Variants in MYCT1 observed in about 807,000 individuals in gnomAD.
The protein encoded by MYCT1 is myc target protein 1.
MYCT1 carries 12 observed loss-of-function variants against 15.0 expected under a neutral mutation model. That is an observed-to-expected ratio of 0.80 (90% CI 0.51 to 1.29). The LOEUF is 1.29. Ranked by LOEUF, MYCT1 falls within the 50% of genes most tolerant of loss-of-function variation. The pLI is 0.00. For missense variants in MYCT1, 287 were observed against 279.1 expected (o/e 1.03, Z -0.20); for synonymous variants, 104 against 102.7 (o/e 1.01, Z -0.07).
At position 152,697,960 on chromosome 6, in the gene MYCT1, CA is replaced by C; in HGVS notation, c.61del (p.Arg21GlufsTer36). ...AAATTATTTTTCTCTTGCTGTACTA[CA>C]AAGAGATAGAATCAAACTGCTTTTT... is the stretch of plus-strand genomic sequence containing the variant. ...CKNYFSLAVL[Q>X]RDRIKLLFFD... On this transcript the variant is annotated frameshift_variant, in exon 1 of 2. Transcript: ENST00000367245. LOFTEE classifies it high-confidence loss of function. 1 of 1,604,790 alleles carries C rather than the reference CA, an allele frequency of 6.2e-7. No homozygotes were observed. The highest frequency in any genetic ancestry group is 2.3e-5 in the East Asian group (1 of 44,218).
intron 1 of MYCT1, among the ~76,000 whole-genome samples, chr6:152,719,193 A>C (rs185240011): frequency 6.6e-6 from 1 of 152,216 alleles, no homozygotes; most frequent in Non-Finnish European, 1.5e-5. Flanking sequence ...ACTAAAGGCT[A>C]TTGATTCATG....
At position 152,697,900 on chromosome 6, in the gene MYCT1, T is replaced by G; in HGVS notation, c.-3T>G. The G allele has an allele frequency of 3.2e-6, 5 of 1,553,716 alleles. No individual in the cohort carries two copies. The highest frequency in any genetic ancestry group is 3.5e-6 in the Non-Finnish European group (4 of 1,155,742). ...AGGAAACATGATACACTTATTTCCT[T>G]TTATGCGAACACAAGTATATGAGGG... On this transcript the variant is annotated 5_prime_UTR_variant, in exon 1 of 2. Transcript: ENST00000367245.
intron 1 of MYCT1, among the ~76,000 whole-genome samples, chr6:152,703,029 A>AT (rs2099721611): frequency 1.3e-5 from 2 of 152,212 alleles, no homozygotes; most frequent in Admixed American, 1.3e-4. Flanking sequence ...AAAGTGGCCT[A>AT]TAACTGTCCT....
chr6:152,715,662 T>C (rs541839211), intron 1 of MYCT1, among the ~76,000 whole-genome samples: 1 of 152,210 alleles, frequency 6.6e-6, no homozygotes, highest in South Asian at 2.1e-4. Flanking sequence ...TGGGACAGGG[T>C]GTCATTTTAG....
intron 1 of MYCT1, among the ~76,000 whole-genome samples, chr6:152,714,250 T>A (rs2099723232): frequency 7.1e-6 from 1 of 139,932 alleles, no homozygotes. Context: ...TTTATTCATT[T>A]TTATTAGATT....
chr6:152,706,428 G>C, intron 1 of MYCT1, among the ~76,000 whole-genome samples: 1 of 152,206 alleles, frequency 6.6e-6, no homozygotes, highest in South Asian at 2.1e-4. Flanking sequence ...AACTTAAATC[G>C]CTGAGGTATT....
intron 1 of MYCT1, among the ~76,000 whole-genome samples, chr6:152,717,060 T>A (rs555145270): frequency 6.6e-6 from 1 of 152,290 alleles, no homozygotes; most frequent in South Asian, 2.1e-4. Flanking sequence ...TCTGCCAGAA[T>A]GGAATTACAT....
chr6:152,739,753 A>C, the MYCT1 span, among the ~76,000 whole-genome samples: 1 of 151,970 alleles, frequency 6.6e-6, no homozygotes, highest in African/African-American at 2.4e-5. Context: ...GCAATTTTTA[A>C]TTTCACTTGA....
the MYCT1 span, among the ~76,000 whole-genome samples, chr6:152,741,980 A>C: frequency 6.6e-6 from 1 of 152,210 alleles, no homozygotes; most frequent in Non-Finnish European, 1.5e-5. Flanking sequence ...AAAACAATAA[A>C]AGTTTTTTAA....
the MYCT1 span, among the ~76,000 whole-genome samples, chr6:152,746,936 C>T: frequency 6.6e-6 from 1 of 152,036 alleles, no homozygotes; most frequent in Admixed American, 6.6e-5. Context: ...TCATTTAGAT[C>T]ATTATTTGTT....
intron 1 of MYCT1, among the ~76,000 whole-genome samples, chr6:152,698,421 A>G (rs995306481): frequency 6.6e-6 from 1 of 152,098 alleles, no homozygotes; most frequent in Non-Finnish European, 1.5e-5. Flanking sequence ...TAAAAAACAT[A>G]AGGTGGAGGT....
the MYCT1 span, among the ~76,000 whole-genome samples, chr6:152,732,606 A>G: frequency 6.6e-6 from 1 of 152,352 alleles, no homozygotes; most frequent in East Asian, 1.9e-4. Context: ...AGATTCTTTT[A>G]ATTTTGAAAT....
At chr6:152,736,934 T>C in the MYCT1 span, among the ~76,000 whole-genome samples, 1,716 of 152,272 alleles carry the variant, frequency 0.011, 28 homozygotes, top group African/African-American at 0.04. Context: ...GGTATATTCC[T>C]AGGAAAGATA....
chr6:152,706,718 A>G (rs1565391272), intron 1 of MYCT1, among the ~76,000 whole-genome samples: 1 of 152,166 alleles, frequency 6.6e-6, no homozygotes, highest in African/African-American at 2.4e-5. Context: ...AAGTTTGGTT[A>G]AAAGTTAGGG....
chr6:152,715,633 TC>T lies in MYCT1; in HGVS notation c.197-6107del, dbSNP rs2099723501. Among the ~76,000 whole-genome samples, 5 of 152,150 alleles carry T rather than the reference TC, an allele frequency of 3.3e-5. No homozygotes were observed. The South Asian group carries it at 1.0e-3, about 32-fold the overall frequency. Reference sequence around the variant, plus strand: ...GGAAGGAAAAAAGAAAAACAAGAATTCCATTTAGGCTTCAGAGGTGGGACAG... The same window carrying T: ...GGAAGGAAAAAAGAAAAACAAGAATTCATTTAGGCTTCAGAGGTGGGACAG... On this transcript the variant is annotated intron_variant, in intron 1 of 1. Coordinates refer to ENST00000367245, the MANE Select transcript of MYCT1 (RefSeq NM_025107.3).
At chr6:152,740,822 A>AT in the MYCT1 span, among the ~76,000 whole-genome samples, 2 of 152,130 alleles carry the variant, frequency 1.3e-5, no homozygotes, top group African/African-American at 2.4e-5. Context: ...TTATAGATAT[A>AT]TTTTTCTTTA....
intron 1 of MYCT1, among the ~76,000 whole-genome samples, chr6:152,705,070 C>T (rs9397550): frequency 0.098 from 14,941 of 152,036 alleles, 1,322 homozygotes; most frequent in African/African-American, 0.23. Flanking sequence ...TTTTACATTC[C>T]ACAAATAAGT....
intron 1 of MYCT1, among the ~76,000 whole-genome samples, chr6:152,720,439 C>A (rs2099724489): frequency 6.6e-6 from 1 of 152,064 alleles, no homozygotes; most frequent in Admixed American, 6.5e-5. Flanking sequence ...CTCCTCTTCC[C>A]CAGTCTCACA....
Position 152,722,509 on chromosome 6 carries a change from T to C in MYCT1, c.*256T>C, listed in dbSNP as rs1350447198. On this transcript the variant is annotated 3_prime_UTR_variant, in exon 2 of 2. Transcript: ENST00000367245. ...TATTTTGTATTCAATGTGAGGCTTA[T>C]TAAAAATAGTGATTCTAATGTAAGA... The C allele has an allele frequency of 1.8e-5, 7 of 380,854 alleles. No individual in the cohort carries two copies. Among genetic ancestry groups the C allele is most frequent in the African/African-American group, 1.2e-4 (6 of 48,070 alleles). 23.6% of individuals were successfully genotyped at this position (380,854 alleles called of 1,614,324 possible). A position where few individuals can be genotyped will look rare whatever the true frequency, so the allele number is the denominator to read the frequency against.
Sources: gnomAD v4.1 joint callset for allele counts (sites outside exome capture counted in the v4.1 genomes callset) on GRCh38, gnomAD v4.1.1 for gene constraint, MANE v1.5 for transcripts, NCBI Gene and HGNC (gene_info 2026-07-23, HGNC 2026-07-21) for gene names.